HDX: variants seen among roughly 807,000 people sequenced by gnomAD.
The protein encoded by HDX is chromosome X open reading frame 43.
Under a neutral mutation model 45.2 loss-of-function variants are expected in HDX, and 19 were observed. The observed-to-expected ratio is 0.42, with a 90% CI of 0.29 to 0.62. HDX has a LOEUF of 0.62. Ranked by LOEUF, HDX falls within the 20% of genes least tolerant of loss-of-function variation. The pLI is 0.20. For missense variants in HDX, 532 were observed against 493.9 expected, an observed-to-expected ratio of 1.08 and a Z score of -0.73; for synonymous variants, 188 against 172.8, an observed-to-expected ratio of 1.09 and a Z score of -0.69.
intron 1 of HDX, among the ~76,000 whole-genome samples, chrX:84,498,042 C>T (rs1206881803): frequency 9.0e-6 from 1 of 111,464 alleles, no homozygotes. Context: ...AGATAGTTTG[C>T]TAAATTTTGC....
chrX:84,417,225 A>AAAGAAAG (rs1235810806), intron 5 of HDX, among the ~76,000 whole-genome samples: 1 of 109,524 alleles, frequency 9.1e-6, no homozygotes, highest in Non-Finnish European at 1.9e-5. Context: ...AGAGAGAAAG[A>AAAGAAAG]AAGAAAGAAA....
At chrX:84,461,287 G>A (rs1475525010) in intron 4 of HDX, among the ~76,000 whole-genome samples, 1 of 111,532 alleles carries the variant, frequency 9.0e-6, no homozygotes, top group Admixed American at 9.5e-5. Context: ...CAAAGCTGTA[G>A]TAACCAAAAT....
chrX:84,351,365 G>T (rs1424107027), intron 6 of HDX, among the ~76,000 whole-genome samples: 6 of 110,576 alleles, frequency 5.4e-5, no homozygotes, highest in African/African-American at 1.3e-4. Context: ...TTGTTTGTTG[G>T]TTTGTTTTGT....
At chrX:84,349,743 A>T (rs1212175972) in intron 6 of HDX, among the ~76,000 whole-genome samples, 1 of 106,657 alleles carries the variant, frequency 9.4e-6, no homozygotes. Context: ...TTAAAAAAAG[A>T]ATAAAATCAT....
chrX:84,419,536 T>C (rs2039198713), intron 5 of HDX, among the ~76,000 whole-genome samples: 1 of 107,805 alleles, frequency 9.3e-6, no homozygotes, highest in African/African-American at 3.6e-5. Context: ...CACGAGTATA[T>C]TTCAAAGATA....
chrX:84,330,321 G>C (rs2147766697), intron 9 of HDX, among the ~76,000 whole-genome samples: 1 of 111,883 alleles, frequency 8.9e-6, no homozygotes, highest in Admixed American at 9.5e-5. Flanking sequence ...GGACTTTTAA[G>C]AGCATTTGTT....
chrX:84,459,679 A>AT (rs1370436019), intron 4 of HDX, among the ~76,000 whole-genome samples: 1 of 111,091 alleles, frequency 9.0e-6, no homozygotes, highest in African/African-American at 3.3e-5. Context: ...TATTAGAAAA[A>AT]AAAAATAAAA....
intron 5 of HDX, among the ~76,000 whole-genome samples, chrX:84,375,661 G>T (rs564313508): frequency 9.2e-6 from 1 of 108,367 alleles, no homozygotes; most frequent in Non-Finnish European, 1.9e-5. Flanking sequence ...ACCAAACACC[G>T]CATTTTCTCA....
At chrX:84,483,567 T>C (rs997706945) in intron 2 of HDX, among the ~76,000 whole-genome samples, 1 of 112,075 alleles carries the variant, frequency 8.9e-6, no homozygotes, top group Non-Finnish European at 1.9e-5. Context: ...GCCTGGCCCA[T>C]GAAACCATTT....
chrX:84,427,892 G>A (rs188206087), intron 5 of HDX, among the ~76,000 whole-genome samples: 1 of 111,115 alleles, frequency 9.0e-6, no homozygotes, highest in Non-Finnish European at 1.9e-5. Context: ...GTTTTAAAGA[G>A]TGTTTTAACA....
At chrX:84,406,509 CACACACACAT>C (rs1334369240) in intron 5 of HDX, among the ~76,000 whole-genome samples, 15 of 68,323 alleles carry the variant, frequency 2.2e-4, no homozygotes, top group African/African-American at 7.0e-4. Context: ...CATACACACA[CACACACACAT>C]ACACACACAC....
At chrX:84,381,209 CA>C (rs778527595) in intron 5 of HDX, among the ~76,000 whole-genome samples, 7 of 110,937 alleles carry the variant, frequency 6.3e-5, no homozygotes, top group Non-Finnish European at 1.1e-4. Flanking sequence ...AAGGGCACCA[CA>C]AAATGGAGAA....
chrX:84,460,577 T>C (rs1398277628), intron 4 of HDX, among the ~76,000 whole-genome samples: 2 of 111,459 alleles, frequency 1.8e-5, no homozygotes, highest in East Asian at 5.6e-4. Flanking sequence ...ATATGACAGA[T>C]TCACAGCTAG....
rs754835409 is a variant in HDX at position 84,361,506 on chromosome X, G to A, written c.1412C>T (p.Ala471Val). Reference protein sequence around the residue: ...LGSVCREKIEAVATELNVDCE... With the variant: ...LGSVCREKIEVVATELNVDCE... ...GTCAACATTTAATTCAGTTGCCACA[G>A]CTTCAATTTTCTCTCTACAAACAGA... is the stretch of plus-strand genomic sequence containing the variant. Residue 471 changes from alanine to valine, a missense_variant, in exon 6 of 11, where the codon GCT becomes GTT. Physicochemically the swap from Ala to Val is moderately conservative, Grantham distance 64 (BLOSUM62 0). Around this residue, in one of 3 missense-constraint regions of HDX, gnomAD observed 376 missense variants for 343.7 expected, o/e 1.09. Coordinates refer to ENST00000373177, the MANE Select transcript of HDX (RefSeq NM_001177479.2). 1.3e-5 allele frequency: 16 copies of A among 1,205,342 alleles called. No individual in the cohort carries two copies. The highest frequency in any genetic ancestry group is 1.5e-5 in the Non-Finnish European group (13 of 891,894).
At chrX:84,354,930 CATATATATAT>C (rs72331919) in intron 6 of HDX, among the ~76,000 whole-genome samples, 6,771 of 74,637 alleles carry the variant, frequency 0.091, 421 homozygotes, top group Admixed American at 0.24. Context: ...CACACACACA[CATATATATAT>C]ATATATATAT....
intron 6 of HDX, among the ~76,000 whole-genome samples, chrX:84,354,070 T>G (rs1467185094): frequency 8.9e-6 from 1 of 111,920 alleles, no homozygotes; most frequent in Non-Finnish European, 1.9e-5. Context: ...TTCAACCATT[T>G]TATATGATCA....
chrX:84,347,490 G>T (rs188888479), intron 6 of HDX, among the ~76,000 whole-genome samples: 9,255 of 110,888 alleles, frequency 0.083, 392 homozygotes, highest in East Asian at 0.26. Flanking sequence ...TTGGTATTTT[G>T]TTCCTTTTGT....
At chrX:84,441,580 C>A (rs1405907413) in intron 4 of HDX, among the ~76,000 whole-genome samples, 5 of 111,172 alleles carry the variant, frequency 4.5e-5, no homozygotes, top group African/African-American at 1.6e-4. Flanking sequence ...AAAAGTAAAC[C>A]TTTAATCATT....
chrX:84,369,244 G>C (rs960620830), intron 5 of HDX, among the ~76,000 whole-genome samples: 1 of 112,196 alleles, frequency 8.9e-6, no homozygotes, highest in African/African-American at 3.2e-5. Context: ...GCATGTGTCA[G>C]AATTTCCTTC....
Sources: gnomAD v4.1 joint callset for allele counts (sites outside exome capture counted in the v4.1 genomes callset) on GRCh38, gnomAD v4.1.1 for gene constraint, gnomAD v4.1.1 regional missense constraint, MANE v1.5 for transcripts, NCBI Gene and HGNC (gene_info 2026-07-23, HGNC 2026-07-21) for gene names.